Variants in ADAM22 observed in about 807,000 individuals in gnomAD.
The protein encoded by ADAM22 is disintegrin and metalloproteinase domain-containing protein 22.
ADAM22 carries 65 observed loss-of-function variants against 144.6 expected under a neutral mutation model. The observed-to-expected ratio is 0.45, with a 90% CI of 0.37 to 0.55. The LOEUF is 0.55. Ranked by LOEUF, ADAM22 falls within the 20% of genes least tolerant of loss-of-function variation. The probability of loss-of-function intolerance (pLI) is 0.00; values close to 1 mark genes in which losing one functional copy is unlikely to be tolerated. For synonymous variants in ADAM22, 391 were observed against 412.6 expected (o/e 0.95, Z 0.63); for missense variants, 974 against 1,184.9 (o/e 0.82, Z 2.61).
At chr7:87,940,172 T>G (rs1584446203) in intron 2 of ADAM22, among the ~76,000 whole-genome samples, 1 of 128,012 alleles carries the variant, frequency 7.8e-6, no homozygotes, top group African/African-American at 3.1e-5. Context: ...ACAGAGCAAG[T>G]CTTTATCTCA....
At chr7:87,990,962 C>G (rs1249645398) in intron 3 of ADAM22, among the ~76,000 whole-genome samples, 1 of 152,150 alleles carries the variant, frequency 6.6e-6, no homozygotes, top group Admixed American at 6.5e-5. Flanking sequence ...CCACACCCAG[C>G]CTTTCTCCCT....
intron 30 of ADAM22, among the ~76,000 whole-genome samples, chr7:88,188,680 T>C (rs1019805538): frequency 6.6e-6 from 1 of 152,228 alleles, no homozygotes; most frequent in African/African-American, 2.4e-5. Flanking sequence ...GTGATTCTAA[T>C]GCAAGGGAGA....
At chr7:88,016,760 G>A (rs527795617) in intron 3 of ADAM22, among the ~76,000 whole-genome samples, 1 of 152,224 alleles carries the variant, frequency 6.6e-6, no homozygotes, top group South Asian at 2.1e-4. Context: ...GGATAATTGT[G>A]GTTGATAGAG....
rs907528215 is a variant in ADAM22, at chr7:88,074,840, G to A, written c.324-786G>A. On this transcript the variant is annotated intron_variant, in intron 3 of 31. Coordinates refer to ENST00000413139, the MANE Select transcript of ADAM22 (RefSeq NM_001324418.2). ...TGCACATTTTTAGATGATTGGAACAGTTTTAGTTTGATGACCTTCAGTTCA... is the reference window on the plus strand; with the variant it reads ...TGCACATTTTTAGATGATTGGAACAATTTTAGTTTGATGACCTTCAGTTCA... 9.2e-5 allele frequency among the ~76,000 whole-genome samples: 14 copies of A among 152,282 alleles called. No homozygotes were observed. In the South Asian group the frequency reaches 1.0e-3, roughly 11 times the overall value.
intron 3 of ADAM22, among the ~76,000 whole-genome samples, chr7:88,009,051 C>G (rs1477366573): frequency 1.3e-5 from 2 of 151,640 alleles, no homozygotes; most frequent in African/African-American, 4.8e-5. Flanking sequence ...AGCTTTTCAC[C>G]CTGTTATTAG....
At chr7:88,121,542 G>T (rs1829311648) in intron 7 of ADAM22, among the ~76,000 whole-genome samples, 1 of 152,174 alleles carries the variant, frequency 6.6e-6, no homozygotes, top group Non-Finnish European at 1.5e-5. Flanking sequence ...TAGCGTAACT[G>T]TCAGCTGGGA....
intron 15 of ADAM22, among the ~76,000 whole-genome samples, chr7:88,144,878 A>G (rs566569958): frequency 6.6e-6 from 1 of 152,028 alleles, no homozygotes; most frequent in Non-Finnish European, 1.5e-5. Context: ...TGTGGTGTGT[A>G]TGTTATATAT....
At chr7:88,007,490 C>T (rs1271489725) in intron 3 of ADAM22, among the ~76,000 whole-genome samples, 5 of 152,078 alleles carry the variant, frequency 3.3e-5, no homozygotes, top group South Asian at 2.1e-4. Context: ...GCTACCTGAC[C>T]TCAAACTATA....
chr7:87,963,932 T>C (rs1052564773), intron 2 of ADAM22, among the ~76,000 whole-genome samples: 9 of 152,244 alleles, frequency 5.9e-5, no homozygotes, highest in African/African-American at 1.9e-4. Context: ...TTCTTTTAAA[T>C]ATTCAGATGT....
chr7:88,113,687 T>TATAAATGA, intron 5 of ADAM22, among the ~76,000 whole-genome samples: 1 of 69,042 alleles, frequency 1.4e-5, no homozygotes, highest in Admixed American at 2.0e-4. Context: ...ATATATATAT[T>TATAAATGA]ATAAATAAAT....
chr7:87,946,888 T>TTA (rs1324114606), intron 2 of ADAM22, among the ~76,000 whole-genome samples: 1 of 152,162 alleles, frequency 6.6e-6, no homozygotes, highest in Non-Finnish European at 1.5e-5. Context: ...AATAATGATA[T>TTA]TATATCCTTT....
At chr7:88,068,919 TTGAA>T (rs1318271442) in intron 3 of ADAM22, among the ~76,000 whole-genome samples, 1 of 152,166 alleles carries the variant, frequency 6.6e-6, no homozygotes, top group Non-Finnish European at 1.5e-5. Flanking sequence ...GAGCTGTAGT[TTGAA>T]TGTTTGTCAC....
intron 22 of ADAM22, among the ~76,000 whole-genome samples, chr7:88,159,939 A>G (rs1841108719): frequency 6.6e-6 from 1 of 152,190 alleles, no homozygotes; most frequent in South Asian, 2.1e-4. Flanking sequence ...AGGGAAATCC[A>G]AATAAGAAGA....
chr7:87,947,894 G>A (rs1844105583), intron 2 of ADAM22, among the ~76,000 whole-genome samples: 1 of 152,112 alleles, frequency 6.6e-6, no homozygotes, highest in African/African-American at 2.4e-5. Flanking sequence ...CACAGACAGA[G>A]CCTTGTACAT....
At chr7:88,063,752 A>C in intron 3 of ADAM22, among the ~76,000 whole-genome samples, 1 of 152,318 alleles carries the variant, frequency 6.6e-6, no homozygotes, top group African/African-American at 2.4e-5. Flanking sequence ...AAAGATCAGA[A>C]TCAGAATAGC....
intron 2 of ADAM22, among the ~76,000 whole-genome samples, chr7:87,948,892 C>G (rs960369243): frequency 9.2e-5 from 14 of 152,120 alleles, no homozygotes; most frequent in African/African-American, 3.4e-4. Context: ...AGCACTGTGC[C>G]TGACACACAG....
At chr7:88,013,381 A>G (rs996648288) in intron 3 of ADAM22, among the ~76,000 whole-genome samples, 6 of 152,160 alleles carry the variant, frequency 3.9e-5, no homozygotes, top group Admixed American at 2.0e-4. Flanking sequence ...CAGAAACTGG[A>G]AAACTTTATA....
chr7:88,036,900 A>AAT (rs886782321), intron 3 of ADAM22, among the ~76,000 whole-genome samples: 12 of 152,094 alleles, frequency 7.9e-5, no homozygotes, highest in Admixed American at 5.2e-4. Context: ...TCCCAATGAG[A>AAT]ATATATATAT....
chr7:88,194,184 C>G (rs1264409096), intron 31 of ADAM22, among the ~76,000 whole-genome samples: 1 of 152,192 alleles, frequency 6.6e-6, no homozygotes, highest in African/African-American at 2.4e-5. Context: ...CTAAGTGTAG[C>G]AACCCACTTT....
Sources: allele counts gnomAD v4.1 joint callset (sites outside exome capture counted in the v4.1 genomes callset), GRCh38; gene constraint gnomAD v4.1.1; transcripts MANE v1.5; gene names NCBI Gene and HGNC (gene_info 2026-07-23, HGNC 2026-07-21).